TBC1D16: variants seen among roughly 807,000 people sequenced by gnomAD.
TBC1D16 encodes the protein TBC1 domain family member 16.
TBC1D16 carries 58 observed loss-of-function variants against 74.7 expected under a neutral mutation model. The ratio of observed to expected loss-of-function variants is 0.78; its 90% CI spans 0.63 to 0.97. The LOEUF (loss-of-function observed/expected upper bound fraction) is 0.97, where lower values mean the gene tolerates loss of function less well. Ranked by LOEUF, TBC1D16 falls within the 50% of genes least tolerant of loss-of-function variation. The pLI is 0.00. For synonymous variants in TBC1D16, 493 were observed against 474.7 expected, an observed-to-expected ratio of 1.04 and a Z score of -0.50; for missense variants, 1,014 against 1,079.5, an observed-to-expected ratio of 0.94 and a Z score of 0.85.
At chr17:80,012,344 G>A (rs1053554639) in intron 2 of TBC1D16, among the ~76,000 whole-genome samples, 64 of 152,150 alleles carry the variant, frequency 4.2e-4, no homozygotes, top group Admixed American at 2.9e-3. Flanking sequence ...GGGCCGCATC[G>A]CCCAGAACCT....
intron 3 of TBC1D16, among the ~76,000 whole-genome samples, chr17:79,996,863 C>T (rs1415403686): frequency 6.6e-6 from 1 of 152,212 alleles, no homozygotes; most frequent in East Asian, 1.9e-4. Context: ...TTCCTAGTAG[C>T]TTTATTCACA....
rs760917519 is a variant in TBC1D16 at position 79,949,801 on chromosome 17, T to C, written c.1322A>G (p.Tyr441Cys). The C allele has an allele frequency of 8.7e-6, 14 of 1,613,670 alleles. No homozygotes were observed. Among genetic ancestry groups the C allele is most frequent in the African/African-American group, 2.7e-5 (2 of 74,906 alleles). Reference sequence around the variant, plus strand: ...CTCCGACGTGGACTCGTGGCTGTAATAGCGCAGCAGGAAGGGCCAGACCTC... The same window carrying C: ...CTCCGACGTGGACTCGTGGCTGTAACAGCGCAGCAGGAAGGGCCAGACCTC... ...RGEVWPFLLR[Y>C]YSHESTSEER... Residue 441 changes from tyrosine (Y) to cysteine (C), a missense_variant, in exon 7 of 12, where the codon TAT (tyrosine) becomes TGT (cysteine). Physicochemically the swap from Tyr to Cys is radical, Grantham distance 194. Coordinates refer to ENST00000310924, the MANE Select transcript of TBC1D16 (RefSeq NM_019020.4).
In TBC1D16 at chr17:80,010,329, G is replaced by A. The variant is rs376476236; in HGVS notation, c.610C>T (p.Pro204Ser). ...GAGCCATCCTCCTCCCCGGCCTCGG[G>A]CCGCGGCTCCCGCCCCTCCTCGGTG... ...DVTEEGREPRPEAGEEDGSLE... is the reference protein window; with the variant it reads ...DVTEEGREPRSEAGEEDGSLE... The change falls in exon 3 of 12, where the codon CCC becomes TCC. Residue 204 changes from proline to serine, a missense_variant. Physicochemically the swap from Pro to Ser is moderately conservative, Grantham distance 74. Transcript: ENST00000310924. The surrounding 1 kb of genome is among the most constrained non-coding windows in gnomAD (Gnocchi z 8.8). The A allele has an allele frequency of 3.8e-5, 62 of 1,610,656 alleles. No homozygotes were observed. The African/African-American group carries it at 7.6e-4, about 20-fold the overall frequency.
chr17:79,941,937 GTGGGGA>G lies in TBC1D16; in HGVS notation c.2055+117_2055+122del. On this transcript the variant is annotated intron_variant, in intron 11 of 11. Transcript: ENST00000310924. The surrounding 1 kb of genome is among the most constrained non-coding windows in gnomAD (Gnocchi z 4.3). Reference sequence around the variant, plus strand: ...GGAGGGCACGTGCTGGGGGGCCATGGTGGGGATGGGGCTCTGGGGGCGGGGCCCACA... The same window carrying G: ...GGAGGGCACGTGCTGGGGGGCCATGGTGGGGCTCTGGGGGCGGGGCCCACA... 1.1e-6 allele frequency: 1 copy of G among 888,066 alleles called. No homozygotes were observed. Among genetic ancestry groups the G allele is most frequent in the Admixed American group, 2.2e-5 (1 of 44,460 alleles). The allele number at this position is 888,066 out of a possible 1,614,324, so 55.0% of individuals were successfully genotyped here.
chr17:79,962,006 C>T (rs76299544), intron 3 of TBC1D16, among the ~76,000 whole-genome samples: 23,835 of 151,960 alleles, frequency 0.16, 2,491 homozygotes, highest in African/African-American at 0.3. Flanking sequence ...GTAGCATGGA[C>T]GCATGACAAA....
At chr17:80,028,495 C>T (rs2036663380) in intron 1 of TBC1D16, among the ~76,000 whole-genome samples, 1 of 151,722 alleles carries the variant, frequency 6.6e-6, no homozygotes, top group African/African-American at 2.4e-5. Context: ...CACCATTGCA[C>T]TCCAGCCTGG....
intron 3 of TBC1D16, among the ~76,000 whole-genome samples, chr17:79,972,908 C>A (rs1435793601): frequency 6.6e-6 from 1 of 151,980 alleles, no homozygotes; most frequent in Non-Finnish European, 1.5e-5. Flanking sequence ...ATGATGAAAC[C>A]CCGTCTCTAC....
Position 79,985,801 on chromosome 17 carries a change from T to C in TBC1D16, c.779+24359A>G, listed in dbSNP as rs574131634. Among the ~76,000 whole-genome samples the C allele has an allele frequency of 6.6e-6, 1 of 152,362 alleles. No individual in the cohort carries two copies. The highest frequency in any genetic ancestry group is 1.5e-5 in the Non-Finnish European group (1 of 68,026). ...ATGCCCAGCTGTCCTAGAGTATTTG[T>C]TCTGCTGGCTCCCACCTCGCAGCCA... On this transcript the variant is annotated intron_variant, in intron 3 of 11. Transcript: ENST00000310924. The surrounding 1 kb of genome is among the most constrained non-coding windows in gnomAD (Gnocchi z 4.9).
rs1366370331 is a variant in TBC1D16 at position 80,001,863 on chromosome 17, C to G, written c.779+8297G>C. On this transcript the variant is annotated intron_variant, in intron 3 of 11. Coordinates refer to ENST00000310924, the MANE Select transcript of TBC1D16 (RefSeq NM_019020.4). The surrounding 1 kb of genome is among the most constrained non-coding windows in gnomAD (Gnocchi z 5.8). ...TTCCCTCCACCCCCCGCCTCCTGCT[C>G]CCTTCCTCATCCCCTGCTTTGTGTC... Among the ~76,000 whole-genome samples the G allele has an allele frequency of 2.0e-5, 3 of 151,696 alleles. No individual in the cohort carries two copies. The highest frequency in any genetic ancestry group is 7.3e-5 in the African/African-American group (3 of 41,242).
At chr17:80,029,379 G>A (rs2036697806) in intron 1 of TBC1D16, among the ~76,000 whole-genome samples, 1 of 152,124 alleles carries the variant, frequency 6.6e-6, no homozygotes, top group Non-Finnish European at 1.5e-5. Context: ...GGTTGGAGCT[G>A]ACACAGGGCG....
chr17:79,990,428 G>A lies in TBC1D16; in HGVS notation c.779+19732C>T, dbSNP rs2035014243. Reference sequence around the variant, plus strand: ...CCTCCCACGTGATTTCCCAATGCTTGAAGTTCACGACCAATTGCTGGGGTG... The same window carrying A: ...CCTCCCACGTGATTTCCCAATGCTTAAAGTTCACGACCAATTGCTGGGGTG... On this transcript the variant is annotated intron_variant, in intron 3 of 11. Coordinates refer to ENST00000310924, the MANE Select transcript of TBC1D16 (RefSeq NM_019020.4). This position sits in a 1 kb window ranked among gnomAD's most constrained non-coding sequence, Gnocchi z 4.8. 1.3e-5 allele frequency among the ~76,000 whole-genome samples: 2 copies of A among 152,230 alleles called. No individual in the cohort carries two copies. The highest frequency in any genetic ancestry group is 1.3e-4 in the Admixed American group (2 of 15,286).
In TBC1D16 at chr17:80,000,712, G is replaced by A. The variant is rs1050903459; in HGVS notation, c.779+9448C>T. 5.9e-5 allele frequency among the ~76,000 whole-genome samples: 9 copies of A among 152,218 alleles called. No homozygotes were observed. The highest frequency in any genetic ancestry group is 2.2e-4 in the African/African-American group (9 of 41,444). On this transcript the variant is annotated intron_variant, in intron 3 of 11. Transcript: ENST00000310924. This position sits in a 1 kb window ranked among gnomAD's most constrained non-coding sequence, Gnocchi z 4.1. ...TGCCCTGTACTGAGCCCTCTGTGCA[G>A]AGCTTTACACGCACGGCCTTCCTGA... is the stretch of plus-strand genomic sequence containing the variant.
chr17:79,996,376 A>G (rs1447663919), intron 3 of TBC1D16, among the ~76,000 whole-genome samples: 1 of 152,214 alleles, frequency 6.6e-6, no homozygotes, highest in Non-Finnish European at 1.5e-5. Flanking sequence ...TAAACACACA[A>G]AACGATATTC....
chr17:79,960,830 T>C (rs1048388705), intron 3 of TBC1D16, among the ~76,000 whole-genome samples: 2 of 96,418 alleles, frequency 2.1e-5, no homozygotes, highest in East Asian at 6.5e-4. Context: ...AAACTGACAC[T>C]GTGAGTGCTG....
intron 3 of TBC1D16, among the ~76,000 whole-genome samples, chr17:79,991,185 G>A (rs1004434022): frequency 2.6e-5 from 4 of 152,258 alleles, no homozygotes; most frequent in Non-Finnish European, 2.9e-5. Context: ...TGGAGACCCA[G>A]CTGGGCTGTC....
rs746450905 is a variant in TBC1D16 at position 79,960,779 on chromosome 17, CAAAAAAAAAAAA to C, written c.780-7973_780-7962del. ...CAAAAAAACCCAAAAAACAAAAACC[CAAAAAAAAAAAA>C]AAAAAAAAAAAAAAAAAACGAAGGA... is the stretch of plus-strand genomic sequence containing the variant. On this transcript the variant is annotated intron_variant, in intron 3 of 11. Transcript: ENST00000310924. Among the ~76,000 whole-genome samples, 105 of 33,948 alleles carry C rather than the reference CAAAAAAAAAAAA, an allele frequency of 3.1e-3. 2 individuals are homozygous for C. The highest frequency in any genetic ancestry group is 9.2e-3 in the African/African-American group (88 of 9,548). 22.3% of individuals were successfully genotyped at this position (33,948 alleles called of 152,430 possible). A position where few individuals can be genotyped will look rare whatever the true frequency, so the allele number is the denominator to read the frequency against.
intron 1 of TBC1D16, among the ~76,000 whole-genome samples, chr17:80,019,659 C>G (rs12325869): frequency 0.025 from 3,808 of 149,742 alleles, 548 homozygotes; most frequent in African/African-American, 0.089. Context: ...ATCCTTGGCC[C>G]ATTTTTTAAA....
chr17:79,969,126 C>T (rs1474897198), intron 3 of TBC1D16, among the ~76,000 whole-genome samples: 1 of 152,192 alleles, frequency 6.6e-6, no homozygotes, highest in East Asian at 1.9e-4. Context: ...GTGGCTCACG[C>T]CTGTAATCCC....
intron 3 of TBC1D16, among the ~76,000 whole-genome samples, chr17:79,983,000 G>A (rs139728852): frequency 9.2e-5 from 14 of 152,306 alleles, no homozygotes; most frequent in African/African-American, 2.6e-4. Flanking sequence ...CGTCATCCAC[G>A]TTTGTGCGGA....
Sources: allele counts gnomAD v4.1 joint callset (sites outside exome capture counted in the v4.1 genomes callset), GRCh38; gene constraint gnomAD v4.1.1; non-coding constraint Gnocchi (gnomAD v3.1); transcripts MANE v1.5; gene names NCBI Gene and HGNC (gene_info 2026-07-23, HGNC 2026-07-21).